GPD2: variants seen among roughly 807,000 people sequenced by gnomAD.
The protein encoded by GPD2 is glycerol-3-phosphate dehydrogenase, mitochondrial.
Under a neutral mutation model 82.4 loss-of-function variants are expected in GPD2, and 54 were observed. The observed-to-expected ratio is 0.66, with a 90% CI of 0.53 to 0.82. The LOEUF (loss-of-function observed/expected upper bound fraction) is 0.82. Among genes scored for constraint, GPD2 ranks in the 40% least tolerant of loss-of-function variants. The pLI, the probability that GPD2 is intolerant of heterozygous loss-of-function variation, is 0.00. For missense variants in GPD2, 748 were observed against 896.2 expected (o/e 0.83, Z 2.11); for synonymous variants, 288 against 306.1 (o/e 0.94, Z 0.62).
At chr2:156,408,504 T>C in the GPD2 span, among the ~76,000 whole-genome samples, 3 of 151,860 alleles carry the variant, frequency 2.0e-5, no homozygotes, top group East Asian at 5.8e-4. Context: ...CCTGGATGCA[T>C]GGCTTGAGCC....
chr2:156,439,377 G>GT lies in GPD2; in HGVS notation c.-9+2867dup, dbSNP rs1682060849. 2.0e-5 allele frequency among the ~76,000 whole-genome samples: 3 copies of GT among 150,442 alleles called. No individual in the cohort carries two copies. The South Asian group carries it at 6.3e-4, about 32-fold the overall frequency. On this transcript the variant is annotated intron_variant, in intron 1 of 16. Coordinates refer to ENST00000438166, the MANE Select transcript of GPD2 (RefSeq NM_000408.5). ...GCAGGCAGATCGCTTGAGCCCAGGA[G>GT]TTTGAGACCAGCCTGGACAACATGG...
intron 1 of GPD2, among the ~76,000 whole-genome samples, chr2:156,465,561 C>T (rs778567511): frequency 3.3e-5 from 5 of 151,964 alleles, no homozygotes; most frequent in Non-Finnish European, 5.9e-5. Flanking sequence ...GACAGGGTCT[C>T]GCTTCCCAGG....
chr2:156,420,592 G>A, the GPD2 span, among the ~76,000 whole-genome samples: 1 of 152,054 alleles, frequency 6.6e-6, no homozygotes, highest in Non-Finnish European at 1.5e-5. Context: ...TAAAAGGTTG[G>A]TCAATAGAAA....
chr2:156,584,876 C>CTCTCTT lies in GPD2; in HGVS notation c.*1968_*1973dup, dbSNP rs1574029112. ...ATTTGTGCTCTCTCTCTCTGTTTTT[C>CTCTCTT]TCTCTTTCTCTTTCTAGTTAGATCA... On this transcript the variant is annotated 3_prime_UTR_variant, in exon 17 of 17. Coordinates refer to ENST00000438166, the MANE Select transcript of GPD2 (RefSeq NM_000408.5). 6.6e-6 allele frequency: 1 copy of CTCTCTT among 152,204 alleles called. No homozygotes were observed. Among genetic ancestry groups the CTCTCTT allele is most frequent in the South Asian group, 2.1e-4 (1 of 4,830 alleles). 9.4% of individuals were successfully genotyped at this position (152,204 alleles called of 1,614,324 possible). A position where few individuals can be genotyped will look rare whatever the true frequency, so the allele number is the denominator to read the frequency against.
Position 156,578,916 on chromosome 2 carries a change from C to A in GPD2, c.1795C>A (p.Leu599Ile). ...ACAACTTGAAACAGCCAGGAAGTTT[C>A]TATATTATGAAATGGGCTATAAATC... Reference protein sequence around the residue: ...QEQLETARKFLYYEMGYKSRS... With the variant: ...QEQLETARKFIYYEMGYKSRS... The change falls in exon 14 of 17, where the codon CTA (leucine) becomes ATA (isoleucine). Residue 599 changes from leucine to isoleucine, a missense_variant. Physicochemically the swap from Leu to Ile is conservative, Grantham distance 5. This residue lies in a region of GPD2 where 692 missense variants were observed against 809.7 expected (regional missense o/e 0.85). Coordinates refer to ENST00000438166, the MANE Select transcript of GPD2 (RefSeq NM_000408.5). 6.2e-7 allele frequency: 1 copy of A among 1,607,924 alleles called. No homozygotes were observed. Among genetic ancestry groups the A allele is most frequent in the South Asian group, 1.1e-5 (1 of 90,956 alleles).
the GPD2 span, among the ~76,000 whole-genome samples, chr2:156,429,325 G>A: frequency 6.6e-6 from 1 of 152,154 alleles, no homozygotes; most frequent in Non-Finnish European, 1.5e-5. Context: ...TCCCACAACA[G>A]AACTTAATAC....
the GPD2 span, among the ~76,000 whole-genome samples, chr2:156,410,556 A>G: frequency 1.3e-4 from 20 of 152,202 alleles, no homozygotes; most frequent in Non-Finnish European, 2.8e-4. Context: ...TTTTTTCTAG[A>G]GATGGGGTCT....
intron 2 of GPD2, among the ~76,000 whole-genome samples, chr2:156,493,341 G>A (rs1452853578): frequency 6.6e-6 from 1 of 152,084 alleles, no homozygotes; most frequent in African/African-American, 2.4e-5. Context: ...ATTAGGGTGA[G>A]TGTGAGGAGT....
chr2:156,490,395 A>C (rs958439203), intron 2 of GPD2, among the ~76,000 whole-genome samples: 1 of 151,842 alleles, frequency 6.6e-6, no homozygotes, highest in Non-Finnish European at 1.5e-5. Flanking sequence ...TGGAAAAAAA[A>C]AAAAAACAAA....
At chr2:156,526,289 A>C (rs1290963892) in intron 6 of GPD2, among the ~76,000 whole-genome samples, 8 of 152,204 alleles carry the variant, frequency 5.3e-5, no homozygotes, top group Admixed American at 5.2e-4. Context: ...ACCACAAAAC[A>C]ATGACACATC....
intron 6 of GPD2, among the ~76,000 whole-genome samples, chr2:156,514,655 C>T (rs1685132316): frequency 6.6e-6 from 1 of 151,890 alleles, no homozygotes; most frequent in Non-Finnish European, 1.5e-5. Context: ...AAAAGGGGAC[C>T]AAACTCAAGA....
intron 13 of GPD2, among the ~76,000 whole-genome samples, chr2:156,573,731 A>G (rs982655508): frequency 3.3e-5 from 5 of 152,164 alleles, no homozygotes; most frequent in African/African-American, 1.2e-4. Flanking sequence ...ACCTAAAGCT[A>G]TTACTCAGTA....
chr2:156,493,171 A>T (rs1684244661), intron 2 of GPD2, among the ~76,000 whole-genome samples: 1 of 152,144 alleles, frequency 6.6e-6, no homozygotes, highest in Non-Finnish European at 1.5e-5. Flanking sequence ...AAAGGAAGCT[A>T]AGAGAGAGTG....
At chr2:156,423,233 A>T in the GPD2 span, among the ~76,000 whole-genome samples, 138,844 of 152,258 alleles carry the variant, frequency 0.91, 64,631 homozygotes, top group East Asian at 1. Context: ...TTTTTATAAG[A>T]TGTACATAAA....
the GPD2 span, among the ~76,000 whole-genome samples, chr2:156,401,568 A>C: frequency 1.3e-5 from 2 of 152,200 alleles, no homozygotes; most frequent in Non-Finnish European, 2.9e-5. Context: ...TTACCTATTC[A>C]GACAAATACA....
intron 1 of GPD2, among the ~76,000 whole-genome samples, chr2:156,456,276 G>A (rs1048097471): frequency 2.6e-5 from 4 of 152,154 alleles, no homozygotes; most frequent in African/African-American, 7.2e-5. Flanking sequence ...TAGAATGTTG[G>A]TGAAAAGTCT....
At chr2:156,514,866 C>T (rs1685142542) in intron 6 of GPD2, among the ~76,000 whole-genome samples, 1 of 152,014 alleles carries the variant, frequency 6.6e-6, no homozygotes, top group African/African-American at 2.4e-5. Context: ...TGCATTGGAC[C>T]CTTAATGTTA....
In GPD2 at chr2:156,510,887, G is replaced by T. The variant is rs780085325; in HGVS notation, c.366G>T (p.Leu122=). Residue 122 remains leucine, a synonymous_variant, in exon 4 of 17, where the codon CTG becomes CTT. Coordinates refer to ENST00000438166, the MANE Select transcript of GPD2 (RefSeq NM_000408.5). The stretch of plus-strand genomic sequence containing the variant: ...TGATCCATGGTGGTGTGAGATATCT[G>T]CAGAAGGCCATCATGAAGTTGGATA... ...TKLIHGGVRY[L]QKAIMKLDIE... 15 of 1,613,170 alleles carry T rather than the reference G, an allele frequency of 9.3e-6. No homozygotes were observed. The highest frequency in any genetic ancestry group is 1.2e-5 in the Non-Finnish European group (14 of 1,179,238).
chr2:156,512,451 G>T, intron 5 of GPD2, 134 bp downstream of exon 5: 1 of 694,792 alleles, frequency 1.4e-6, no homozygotes, highest in Non-Finnish European at 2.7e-6. Context: ...TCCTTTTGAA[G>T]TATTTTCCTT....
Sources: gnomAD v4.1 joint callset for allele counts (sites outside exome capture counted in the v4.1 genomes callset) on GRCh38, gnomAD v4.1.1 for gene constraint, gnomAD v4.1.1 regional missense constraint, MANE v1.5 for transcripts, NCBI Gene and HGNC (gene_info 2026-07-23, HGNC 2026-07-21) for gene names.